The following ZHX1 variants were observed in gnomAD, a reference collection of about 807,000 sequenced individuals.
ZHX1 encodes zinc fingers and homeoboxes protein 1.
A neutral mutation model predicts 61.8 loss-of-function variants in ZHX1; 20 were observed. The ratio of observed to expected loss-of-function variants is 0.32; its 90% CI spans 0.23 to 0.47. The LOEUF is 0.47. ZHX1 is among the 20% of genes least tolerant of loss of function. The pLI is 1.00. For synonymous variants in ZHX1, 318 were observed against 352.6 expected (o/e 0.90, Z 1.10); for missense variants, 800 against 1,034.8 (o/e 0.77, Z 3.11).
intron 2 of ZHX1, among the ~76,000 whole-genome samples, chr8:123,259,614 G>A (rs998545650): frequency 9.9e-5 from 15 of 152,160 alleles, no homozygotes; most frequent in African/African-American, 2.4e-5. Context: ...AGTAATAAAT[G>A]AGCAGCACTC....
chr8:123,253,257 G>A, intron 3 of ZHX1, 65 bp downstream of exon 3: 2 of 1,329,866 alleles, frequency 1.5e-6, no homozygotes, highest in South Asian at 1.5e-5. Context: ...GATACAACAA[G>A]GTGACTGTTC....
chr8:123,267,326 A>T lies in ZHX1; in HGVS notation c.-279T>A. 1 of 1,523,722 alleles carries T rather than the reference A, an allele frequency of 6.6e-7. No homozygotes were observed. The highest frequency in any genetic ancestry group is 2.5e-5 in the East Asian group (1 of 40,710). The allele number at this position is 1,523,722 out of a possible 1,614,324, so 94.4% of individuals were successfully genotyped here. ...TTTGAAATGGAAGGGTATCCCTTCT[A>T]GTTAGATGTTTAGCTCAGGCCATCA... On this transcript the variant is annotated 5_prime_UTR_variant, in exon 2 of 4. Coordinates refer to ENST00000395571, the MANE Select transcript of ZHX1 (RefSeq NM_007222.5).
chr8:123,270,700 C>A (rs549400729), intron 1 of ZHX1, among the ~76,000 whole-genome samples: 1 of 150,336 alleles, frequency 6.7e-6, no homozygotes, highest in Non-Finnish European at 1.5e-5. Context: ...GAGAAAGGAT[C>A]GCTTGAGCAC....
rs558078906 is a variant in ZHX1, at chr8:123,260,894, C to G, written c.-225-4723G>C. On this transcript the variant is annotated intron_variant, in intron 2 of 3. Coordinates refer to ENST00000395571, the MANE Select transcript of ZHX1 (RefSeq NM_007222.5). ...AAAATTAGCTGGGCATGGTGGTGGG[C>G]GCCTGTAATCCCAGCTACTCAGGAG... is the stretch of plus-strand genomic sequence containing the variant. 1.3e-5 allele frequency among the ~76,000 whole-genome samples: 2 copies of G among 151,688 alleles called. 1 individual carries two copies. The highest frequency in any genetic ancestry group is 4.8e-5 in the African/African-American group (2 of 41,284).
In ZHX1 at chr8:123,255,662, A is replaced by G. The variant is rs745411815; in HGVS notation, c.285T>C (p.Asn95=). 22 of 1,613,824 alleles carry G rather than the reference A, an allele frequency of 1.4e-5. No individual in the cohort carries two copies. The highest frequency in any genetic ancestry group is 4.4e-5 in the South Asian group (4 of 91,086). Residue 95 remains asparagine, a synonymous_variant, in exon 3 of 4, where the codon AAT becomes AAC. Coordinates refer to ENST00000395571, the MANE Select transcript of ZHX1 (RefSeq NM_007222.5). ...AAACATAGGATGAATTTAGCACTAC[A>G]TTGGGATGTTCCGAATCCACATGAA... ...FTFHVDSEHP[N]VVLNSSYVCV...
chr8:123,266,070 G>A lies in ZHX1; in HGVS notation c.-226+1203C>T, dbSNP rs555124828. ...CTCTCCCTAGGACACTAACATCCTA[G>A]TTTTCTCCCCACAGCTGGCAGGTAG... On this transcript the variant is annotated intron_variant, in intron 2 of 3. Coordinates refer to ENST00000395571, the MANE Select transcript of ZHX1 (RefSeq NM_007222.5). 1.6e-4 allele frequency among the ~76,000 whole-genome samples: 25 copies of A among 152,274 alleles called. 1 individual carries two copies. Among genetic ancestry groups the A allele is most frequent in the African/African-American group, 6.0e-4 (25 of 41,562 alleles).
chr8:123,274,625 CA>C (rs1316047725), upstream of ZHX1: 1 of 151,966 alleles, frequency 6.6e-6, no homozygotes, highest in Admixed American at 6.6e-5. Flanking sequence ...CCCCTGTCAA[CA>C]GAAGCCCCGC....
intron 3 of ZHX1, among the ~76,000 whole-genome samples, chr8:123,251,422 T>C (rs1483538713): frequency 6.6e-6 from 1 of 152,138 alleles, no homozygotes; most frequent in Non-Finnish European, 1.5e-5. Flanking sequence ...TTGAAAACTG[T>C]AGTTTTAGGA....
intron 2 of ZHX1, among the ~76,000 whole-genome samples, chr8:123,266,600 A>G (rs573419778): frequency 4.0e-4 from 61 of 152,276 alleles, no homozygotes; most frequent in Non-Finnish European, 6.9e-4. Flanking sequence ...AAATATAAAA[A>G]CAATTATGTA....
chr8:123,253,916 A>T lies in ZHX1; in HGVS notation c.2031T>A (p.Ser677Arg), dbSNP rs1399792171. 8 of 1,613,982 alleles carry T rather than the reference A, an allele frequency of 5.0e-6. No homozygotes were observed. In the African/African-American group the frequency reaches 9.3e-5, roughly 19 times the overall value. Residue 677 changes from serine (S) to arginine (R), a missense_variant, in exon 3 of 4, where the codon AGT becomes AGA. Coordinates refer to ENST00000395571, the MANE Select transcript of ZHX1 (RefSeq NM_007222.5). ...KTPEQLHMLK[S>R]AFVRTQWPSP... The stretch of plus-strand genomic sequence containing the variant: ...ATGGCCACTGTGTCCGGACAAATGC[A>T]CTCTTAAGCATGTGCAGCTGCTCAG...
At chr8:123,250,495 T>A (rs1214022894) in intron 3 of ZHX1, among the ~76,000 whole-genome samples, 175 bp from the exon 4 acceptor site, 2 of 152,254 alleles carry the variant, frequency 1.3e-5, no homozygotes, top group East Asian at 3.8e-4. Context: ...ATGTATATGT[T>A]CTTCATATGC....
Position 123,255,199 on chromosome 8 carries a change from C to A in ZHX1, c.748G>T (p.Val250Leu). Reference sequence around the variant, plus strand: ...GGAAGAACTGCTGCTGGTGTCACTACCGTGCTGGCAGTACTTGGATGTATT... The same window carrying A: ...GGAAGAACTGCTGCTGGTGTCACTAACGTGCTGGCAGTACTTGGATGTATT... ...NRIHPSTAST[V>L]VTPAAVLPGL... The change falls in exon 3 of 4, where the codon GTA becomes TTA. Residue 250 changes from valine (V) to leucine (L), a missense_variant. Transcript: ENST00000395571. 6.2e-7 allele frequency: 1 copy of A among 1,614,136 alleles called. No individual in the cohort carries two copies. The highest frequency in any genetic ancestry group is 8.5e-7 in the Non-Finnish European group (1 of 1,180,002).
chr8:123,270,848 C>T (rs1179069284), intron 1 of ZHX1, among the ~76,000 whole-genome samples: 1 of 151,610 alleles, frequency 6.6e-6, no homozygotes, highest in Non-Finnish European at 1.5e-5. Flanking sequence ...TCTTAAACTG[C>T]TCATATATAC....
intron 1 of ZHX1, among the ~76,000 whole-genome samples, chr8:123,269,245 T>G (rs897827088): frequency 6.6e-6 from 1 of 152,214 alleles, no homozygotes; most frequent in Non-Finnish European, 1.5e-5. Flanking sequence ...CAATCCATTC[T>G]TAAAATCACA....
In ZHX1 at chr8:123,258,378, CTGT is replaced by C. The variant is rs1374760120; in HGVS notation, c.-225-2210_-225-2208del. On this transcript the variant is annotated intron_variant, in intron 2 of 3. Transcript: ENST00000395571. Reference sequence around the variant, plus strand: ...CATGCTTCTTGTACAGTCTGCAGAACTGTGAACCAAAGAAACCCTTTATCTTTC... The same window carrying C: ...CATGCTTCTTGTACAGTCTGCAGAACGAACCAAAGAAACCCTTTATCTTTC... Among the ~76,000 whole-genome samples, 6 of 152,228 alleles carry C rather than the reference CTGT, an allele frequency of 3.9e-5. No individual in the cohort carries two copies. In the East Asian group the frequency reaches 1.2e-3, roughly 29 times the overall value.
At chr8:123,265,392 T>A (rs1826423278) in intron 2 of ZHX1, among the ~76,000 whole-genome samples, 1 of 152,022 alleles carries the variant, frequency 6.6e-6, no homozygotes, top group Admixed American at 6.6e-5. Flanking sequence ...GAGTCAAGAG[T>A]TCTGTTTAGC....
At position 123,249,492 on chromosome 8, in the gene ZHX1, T is replaced by C. The variant is rs928356013; in HGVS notation, c.*832A>G. ...CACGATTGTAAGAAAACACTAAGTA[T>C]ACATTTACTACGTGATTCTTTTTCA... is the stretch of plus-strand genomic sequence containing the variant. On this transcript the variant is annotated 3_prime_UTR_variant, in exon 4 of 4. Coordinates refer to ENST00000395571, the MANE Select transcript of ZHX1 (RefSeq NM_007222.5). The C allele has an allele frequency of 6.6e-6, 1 of 152,178 alleles. No individual in the cohort carries two copies. Among genetic ancestry groups the C allele is most frequent in the African/African-American group, 2.4e-5 (1 of 41,470 alleles). The allele number at this position is 152,178 out of a possible 1,614,324, so 9.4% of individuals were successfully genotyped here. A position where few individuals can be genotyped will look rare whatever the true frequency, so the allele number is the denominator to read the frequency against.
Position 123,266,205 on chromosome 8 carries a change from A to C in ZHX1, c.-226+1068T>G, listed in dbSNP as rs116749365. 7.8e-3 allele frequency among the ~76,000 whole-genome samples: 1,191 copies of C among 152,288 alleles called. 20 individuals are homozygous for C. Among genetic ancestry groups the C allele is most frequent in the African/African-American group, 0.027 (1,131 of 41,552 alleles). On this transcript the variant is annotated intron_variant, in intron 2 of 3. Transcript: ENST00000395571. Reference sequence around the variant, plus strand: ...TGATCGAAAAGTCATTTTCTACTGAAAACAATTTTTCCCTACTTTTCTCAA... The same window carrying C: ...TGATCGAAAAGTCATTTTCTACTGACAACAATTTTTCCCTACTTTTCTCAA...
upstream of ZHX1, chr8:123,275,195 A>C (rs1664128197): frequency 1.3e-5 from 2 of 152,388 alleles, no homozygotes; most frequent in Admixed American, 1.3e-4. Context: ...CTTTCAGGGA[A>C]CCAGCCCCGC....
Sources: allele counts gnomAD v4.1 joint callset (sites outside exome capture counted in the v4.1 genomes callset), GRCh38; gene constraint gnomAD v4.1.1; transcripts MANE v1.5; gene names NCBI Gene and HGNC (gene_info 2026-07-23, HGNC 2026-07-21).